Variants in PKHD1 observed in about 807,000 individuals in gnomAD.
PKHD1 encodes fibrocystin.
A neutral mutation model predicts 412.0 loss-of-function variants in PKHD1; 291 were observed. That is an observed-to-expected ratio of 0.71 (90% CI 0.64 to 0.78). PKHD1 has a LOEUF of 0.78. Among genes scored for constraint, PKHD1 ranks in the 30% least tolerant of loss-of-function variants. The pLI, the probability that PKHD1 is intolerant of heterozygous loss-of-function variation, is 0.00. For synonymous variants in PKHD1, 1,777 were observed against 1,821.5 expected (o/e 0.98, Z 0.62); for missense variants, 4,825 against 4,950.7 (o/e 0.97, Z 0.76).
Position 51,775,710 on chromosome 6 carries a change from T to C in PKHD1, c.8554+98A>G. ...ATTGCCTAAAAGGGTGTTTGGAATT[T>C]AGCATATGTTCTATGAATAGTATTT... On this transcript the variant is annotated intron_variant, in intron 54 of 66. Coordinates refer to ENST00000371117, the MANE Select transcript of PKHD1 (RefSeq NM_138694.4). 5.7e-6 allele frequency: 4 copies of C among 700,076 alleles called. No individual in the cohort carries two copies. The South Asian group carries it at 6.3e-5, about 11-fold the overall frequency. The allele number at this position is 700,076 out of a possible 1,614,324, so 43.4% of individuals were successfully genotyped here. A position where few individuals can be genotyped will look rare whatever the true frequency, so the allele number is the denominator to read the frequency against.
At chr6:52,052,124 A>G (rs1322414382) in intron 21 of PKHD1, among the ~76,000 whole-genome samples, 1 of 152,248 alleles carries the variant, frequency 6.6e-6, no homozygotes, top group Admixed American at 6.5e-5. Context: ...TTTCTAAATC[A>G]AAATGTAAAT....
intron 51 of PKHD1, among the ~76,000 whole-genome samples, chr6:51,833,865 C>G (rs1450252276): frequency 6.7e-6 from 1 of 149,934 alleles, no homozygotes; most frequent in African/African-American, 2.4e-5. Context: ...TTTGATCTGT[C>G]TTCTGAAGCT....
intron 34 of PKHD1, 60 bp downstream of exon 34, chr6:52,017,350 C>A (rs1025341286): frequency 1.7e-6 from 2 of 1,196,344 alleles, no homozygotes; most frequent in Admixed American, 3.4e-5. Context: ...TCTGATGGCT[C>A]CATCGGTCCA....
chr6:51,941,070 C>T (rs1788437889), intron 36 of PKHD1, among the ~76,000 whole-genome samples: 1 of 150,892 alleles, frequency 6.6e-6, no homozygotes, highest in Admixed American at 6.6e-5. Context: ...CCCACCTTAA[C>T]CCACAAATAT....
intron 36 of PKHD1, among the ~76,000 whole-genome samples, chr6:51,937,742 A>G (rs1209554782): frequency 1.3e-5 from 2 of 152,190 alleles, no homozygotes; most frequent in African/African-American, 4.8e-5. Context: ...GCATGGTAAG[A>G]ATTTCACCCT....
intron 55 of PKHD1, among the ~76,000 whole-genome samples, chr6:51,771,345 G>A (rs938084587): frequency 6.6e-6 from 1 of 152,096 alleles, no homozygotes; most frequent in African/African-American, 2.4e-5. Flanking sequence ...TTTTAGGCCA[G>A]GCACGGTGGC....
At chr6:52,082,030 G>T (rs918639650) in intron 4 of PKHD1, among the ~76,000 whole-genome samples, 5 of 151,980 alleles carry the variant, frequency 3.3e-5, no homozygotes, top group South Asian at 2.1e-4. Flanking sequence ...ACCAGTTTGG[G>T]GTTTATGTGC....
intron 55 of PKHD1, among the ~76,000 whole-genome samples, chr6:51,770,846 CTCAA>C (rs1025098732): frequency 2.1e-4 from 32 of 152,160 alleles, no homozygotes; most frequent in Middle Eastern, 6.8e-3. Flanking sequence ...TACACAGTTA[CTCAA>C]TCAAACACTA....
intron 60 of PKHD1, among the ~76,000 whole-genome samples, chr6:51,673,361 T>C (rs1639473173): frequency 6.6e-6 from 1 of 152,218 alleles, no homozygotes; most frequent in African/African-American, 2.4e-5. Flanking sequence ...CCAACAGCAT[T>C]AATCAAAGCA....
At chr6:51,995,991 A>C (rs1185863001) in intron 35 of PKHD1, among the ~76,000 whole-genome samples, 1 of 151,896 alleles carries the variant, frequency 6.6e-6, no homozygotes, top group East Asian at 1.9e-4. Flanking sequence ...ATGTTTCAGA[A>C]GGATTAAAGA....
At chr6:52,036,494 G>A (rs1443591296) in intron 27 of PKHD1, among the ~76,000 whole-genome samples, 1 of 152,196 alleles carries the variant, frequency 6.6e-6, no homozygotes, top group Non-Finnish European at 1.5e-5. Context: ...CCATCTCCCA[G>A]ATACAAGAGA....
chr6:51,702,181 A>T (rs963522846), intron 60 of PKHD1, among the ~76,000 whole-genome samples: 3 of 146,118 alleles, frequency 2.1e-5, no homozygotes, highest in African/African-American at 7.6e-5. Flanking sequence ...TATAATATAT[A>T]ATATATTATA....
At chr6:51,698,848 G>A (rs972861245) in intron 60 of PKHD1, among the ~76,000 whole-genome samples, 9 of 152,162 alleles carry the variant, frequency 5.9e-5, no homozygotes, top group Admixed American at 2.0e-4. Flanking sequence ...ACAAGATCTC[G>A]CAACTCTGCG....
intron 53 of PKHD1, among the ~76,000 whole-genome samples, chr6:51,777,427 G>C (rs1582631603): frequency 6.6e-6 from 1 of 152,062 alleles, no homozygotes; most frequent in East Asian, 1.9e-4. Flanking sequence ...GCAAGCCTAT[G>C]TATTTCCAAT....
At chr6:51,747,683 A>T in intron 58 of PKHD1, 104 bp downstream of exon 58, 2 of 993,174 alleles carry the variant, frequency 2.0e-6, no homozygotes, top group South Asian at 1.3e-5. Context: ...AGCAAGCACT[A>T]GACCACAATG....
intron 52 of PKHD1, among the ~76,000 whole-genome samples, chr6:51,830,386 A>G (rs1351927604): frequency 1.3e-5 from 2 of 152,168 alleles, no homozygotes; most frequent in African/African-American, 4.8e-5. Context: ...GTATTTTTCT[A>G]TTTTATTAAC....
chr6:51,834,448 C>T (rs926673761), intron 51 of PKHD1, among the ~76,000 whole-genome samples: 16 of 152,020 alleles, frequency 1.1e-4, no homozygotes, highest in African/African-American at 2.2e-4. Flanking sequence ...ATACTCATAT[C>T]GGTTAACACA....
chr6:51,764,587 T>A (rs992020987), intron 55 of PKHD1, among the ~76,000 whole-genome samples: 15 of 150,920 alleles, frequency 9.9e-5, no homozygotes, highest in Non-Finnish European at 1.9e-4. Flanking sequence ...TGACTATAAA[T>A]CATGCTGCTA....
At chr6:52,084,450 G>A (rs1812465515) in intron 2 of PKHD1, among the ~76,000 whole-genome samples, 1 of 152,134 alleles carries the variant, frequency 6.6e-6, no homozygotes, top group Non-Finnish European at 1.5e-5. Context: ...GATAATACAA[G>A]CAATCTAATG....
Sources: gnomAD v4.1 joint callset for allele counts (sites outside exome capture counted in the v4.1 genomes callset) on GRCh38, gnomAD v4.1.1 for gene constraint, MANE v1.5 for transcripts, NCBI Gene and HGNC (gene_info 2026-07-23, HGNC 2026-07-21) for gene names.